Variants in NPEPL1 observed in about 807,000 individuals in gnomAD.
The protein encoded by NPEPL1 is aminopeptidase like 1.
A neutral mutation model predicts 52.4 loss-of-function variants in NPEPL1; 45 were observed. That is an observed-to-expected ratio of 0.86 (90% CI 0.68 to 1.10). NPEPL1 has a LOEUF of 1.10. Among genes scored for constraint, NPEPL1 ranks in the 50% least tolerant of loss-of-function variants. The pLI is 0.00. For missense variants in NPEPL1, 696 were observed against 710.9 expected (o/e 0.98, Z 0.24); for synonymous variants, 360 against 314.7 (o/e 1.14, Z -1.52).
At chr20:58,710,201 A>G (rs1408258158) in intron 7 of NPEPL1, among the ~76,000 whole-genome samples, 2 of 151,524 alleles carry the variant, frequency 1.3e-5, no homozygotes, top group Non-Finnish European at 1.5e-5. Flanking sequence ...CCCTTGGCTA[A>G]TTTTTGTATT....
chr20:58,705,447 G>C (rs1327217762), intron 6 of NPEPL1: 1 of 455,982 alleles, frequency 2.2e-6, no homozygotes, highest in African/African-American at 2.0e-5. Flanking sequence ...TAATTTTACT[G>C]CTTCAGCAAG....
chr20:58,715,245 C>T lies in NPEPL1; in HGVS notation c.1491C>T (p.Asn497=). 1.2e-6 allele frequency: 2 copies of T among 1,610,486 alleles called. No individual in the cohort carries two copies. The highest frequency in any genetic ancestry group is 2.2e-5 in the South Asian group (2 of 90,468). ...GTGCCTCTGAGGACCCTCTGCTGAA[C>T]CTGGTGTCCCCACTGGGCTGTGAGG... The part of the protein sequence containing the change: ...FGRASEDPLL[N]LVSPLGCEVD... Residue 497 remains asparagine (N), a synonymous_variant, in exon 12 of 12, where the codon AAC becomes AAT. Transcript: ENST00000356091.
chr20:58,703,902 C>T (rs559482152), intron 6 of NPEPL1: 128 of 985,354 alleles, frequency 1.3e-4, no homozygotes, highest in Admixed American at 3.1e-4. Flanking sequence ...TGCCTATTCC[C>T]GGGGTCCACC....
At chr20:58,712,635 CG>C in intron 8 of NPEPL1, 56 bp downstream of exon 8, 1 of 1,277,134 alleles carries the variant, frequency 7.8e-7, no homozygotes, top group East Asian at 2.3e-5. Flanking sequence ...CGACCCTTCC[CG>C]GCCTGCAATG....
chr20:58,705,007 C>T (rs1408692307), intron 6 of NPEPL1, among the ~76,000 whole-genome samples: 2 of 152,154 alleles, frequency 1.3e-5, no homozygotes, highest in East Asian at 1.9e-4. Context: ...TGACACATTA[C>T]ATTATATAGT....
In NPEPL1 at chr20:58,694,483, T is replaced by C; in HGVS notation, c.398T>C (p.Leu133Pro). 2 of 1,613,986 alleles carry C rather than the reference T, an allele frequency of 1.2e-6. No individual in the cohort carries two copies. Among genetic ancestry groups the C allele is most frequent in the Non-Finnish European group, 1.7e-6 (2 of 1,179,870 alleles). The change falls in exon 3 of 12, where the codon CTG becomes CCG. Residue 133 changes from leucine to proline, a missense_variant. Coordinates refer to ENST00000356091, the MANE Select transcript of NPEPL1 (RefSeq NM_024663.4). ...SACALARAFP[L>P]FTHRSGASRR... ...TGTGCCCTGGCCCGGGCCTTCCCGC[T>C]GTTCACCCACCGCTCAGGTGCCTCT...
Position 58,713,337 on chromosome 20 carries a change from TGG to T in NPEPL1, c.1002-80_1002-79del. The T allele has an allele frequency of 6.8e-7, 1 of 1,471,934 alleles. No homozygotes were observed. Among genetic ancestry groups the T allele is most frequent in the South Asian group, 1.4e-5 (1 of 73,388 alleles). 91.2% of individuals were successfully genotyped at this position (1,471,934 alleles called of 1,614,324 possible). A position where few individuals can be genotyped will look rare whatever the true frequency, so the allele number is the denominator to read the frequency against. On this transcript the variant is annotated intron_variant, in intron 8 of 11. Coordinates refer to ENST00000356091, the MANE Select transcript of NPEPL1 (RefSeq NM_024663.4). This position sits in a 1 kb window ranked among gnomAD's most constrained non-coding sequence, Gnocchi z 4.6. ...AGCCACAGGGATGGGCAGCTCCAAA[TGG>T]GGTCTCCCCAGTTTCAAAGGGGCTC... is the stretch of plus-strand genomic sequence containing the variant.
At chr20:58,691,802 C>G, upstream of NPEPL1, 1 of 1,546,476 alleles carries the variant, frequency 6.5e-7, no homozygotes, top group Non-Finnish European at 8.7e-7. Flanking sequence ...GGGTACCAAC[C>G]AAAGGCCCTT....
Position 58,712,490 on chromosome 20 carries a change from C to T in NPEPL1, c.912C>T (p.Asp304=). The T allele has an allele frequency of 3.1e-6, 5 of 1,612,528 alleles. No individual in the cohort carries two copies. Among genetic ancestry groups the T allele is most frequent in the Non-Finnish European group, 4.2e-6 (5 of 1,178,820 alleles). ...FRAAIKQGFK[D]NLHAVFCLAE... ...ACTTCTCCCTCCAGGGTTTCAAAGA[C>T]AACCTCCACGCTGTGTTCTGCTTGG... Residue 304 remains aspartate, a synonymous_variant, in exon 8 of 12, where the codon GAC becomes GAT. Transcript: ENST00000356091.
At chr20:58,714,194 C>G in intron 10 of NPEPL1, 101 bp downstream of exon 10, 1 of 1,366,576 alleles carries the variant, frequency 7.3e-7, no homozygotes, top group East Asian at 2.7e-5. Flanking sequence ...GCTGGGGCCC[C>G]CCAGAAGCAG....
chr20:58,714,294 A>G (rs2084913249), intron 10 of NPEPL1: 2 of 631,386 alleles, frequency 3.2e-6, no homozygotes, highest in Non-Finnish European at 5.3e-6. Context: ...TCCCTGCCAC[A>G]CAGCCAAGGG....
At chr20:58,709,411 G>T (rs960673167) in intron 7 of NPEPL1, among the ~76,000 whole-genome samples, 4 of 152,172 alleles carry the variant, frequency 2.6e-5, no homozygotes, top group African/African-American at 9.7e-5. Context: ...ATGAATGGGG[G>T]AGAACCGTTT....
At chr20:58,712,322 G>A (rs562975611) in intron 7 of NPEPL1, among the ~76,000 whole-genome samples, 157 bp from the exon 8 acceptor site, 2 of 152,300 alleles carry the variant, frequency 1.3e-5, no homozygotes, top group Non-Finnish European at 2.9e-5. Context: ...TGCCAGGACT[G>A]TACCCGGGAT....
At chr20:58,707,238 G>A (rs1486675509) in intron 7 of NPEPL1, 38 bp downstream of exon 7, 1 of 1,520,902 alleles carries the variant, frequency 6.6e-7, no homozygotes, top group South Asian at 1.2e-5. Context: ...GGGGCATCCT[G>A]GGTGTGCCTC....
In NPEPL1 at chr20:58,713,259, G is replaced by T; in HGVS notation, c.1002-161G>T. 1 of 859,318 alleles carries T rather than the reference G, an allele frequency of 1.2e-6. No individual in the cohort carries two copies. Among genetic ancestry groups the T allele is most frequent in the South Asian group, 1.9e-5 (1 of 53,664 alleles). 53.2% of individuals were successfully genotyped at this position (859,318 alleles called of 1,614,324 possible). A position where few individuals can be genotyped will look rare whatever the true frequency, so the allele number is the denominator to read the frequency against. The stretch of plus-strand genomic sequence containing the variant: ...TTGCTCCAGGCACTGCATTGCTGTA[G>T]GGACTGGGGGCATCCCGGCCTTCCC... On this transcript the variant is annotated intron_variant, in intron 8 of 11. Coordinates refer to ENST00000356091, the MANE Select transcript of NPEPL1 (RefSeq NM_024663.4). The surrounding 1 kb of genome is among the most constrained non-coding windows in gnomAD (Gnocchi z 4.6).
rs2084386783 is a variant in NPEPL1, at chr20:58,693,044, C to A, written c.144C>A (p.Thr48=). The A allele has an allele frequency of 1.9e-6, 2 of 1,037,970 alleles. No homozygotes were observed. Among genetic ancestry groups the A allele is most frequent in the Middle Eastern group, 4.5e-4 (1 of 2,202 alleles). 64.3% of individuals were successfully genotyped at this position (1,037,970 alleles called of 1,614,324 possible). The change falls in exon 1 of 12, where the codon ACC becomes ACA. Residue 48 remains threonine (T), a synonymous_variant. Transcript: ENST00000356091. ...HVRGKLQPRV[T]EELWQAALST... ...GCGGGAAGCTGCAGCCCCGGGTCAC[C>A]GAGGAGGTGAGCGGGCCGCCGGCCG...
Position 58,693,175 on chromosome 20 carries a change from C to T in NPEPL1, c.150+125C>T, listed in dbSNP as rs1427435441. ...CGGGCCGGGCCCAACGAGGCCGGGCCGCCTCCCTGAAGGGCTCAGCCGCCA... is the reference window on the plus strand; with the variant it reads ...CGGGCCGGGCCCAACGAGGCCGGGCTGCCTCCCTGAAGGGCTCAGCCGCCA... On this transcript the variant is annotated intron_variant, in intron 1 of 11. Transcript: ENST00000356091. 4.4e-6 allele frequency: 3 copies of T among 683,402 alleles called. No individual in the cohort carries two copies. In the African/African-American group the frequency reaches 5.8e-5, roughly 13 times the overall value. The allele number at this position is 683,402 out of a possible 1,614,324, so 42.3% of individuals were successfully genotyped here.
chr20:58,693,897 C>A lies in NPEPL1; in HGVS notation c.311C>A (p.Pro104Gln). ...ACGCGGCTGGTGCGGACCTGCCTGC[C>A]GCCCGGAGCGCATCGCTGCATTGTG... The part of the protein sequence containing the change: ...FITRLVRTCL[P>Q]PGAHRCIVMV... The change falls in exon 2 of 12, where the codon CCG becomes CAG. Residue 104 changes from proline to glutamine, a missense_variant. By Grantham distance (76) the Pro-to-Gln change is moderately conservative. Coordinates refer to ENST00000356091, the MANE Select transcript of NPEPL1 (RefSeq NM_024663.4). 2 of 1,609,760 alleles carry A rather than the reference C, an allele frequency of 1.2e-6. No individual in the cohort carries two copies. The highest frequency in any genetic ancestry group is 4.5e-5 in the East Asian group (2 of 44,646).
In NPEPL1 at chr20:58,703,879, C is replaced by A. The variant is rs929443607; in HGVS notation, c.822+2721C>A. ...GGCTCCAGATCACCTTCTGAAAATG[C>A]GACTATAGCCCCTGCCTATTCCCGG... On this transcript the variant is annotated intron_variant, in intron 6 of 11. Coordinates refer to ENST00000356091, the MANE Select transcript of NPEPL1 (RefSeq NM_024663.4). The A allele has an allele frequency of 2.2e-5, 22 of 985,168 alleles. No individual in the cohort carries two copies. The African/African-American group carries it at 3.1e-4, about 14-fold the overall frequency. 61.0% of individuals were successfully genotyped at this position (985,168 alleles called of 1,614,324 possible). A position where few individuals can be genotyped will look rare whatever the true frequency, so the allele number is the denominator to read the frequency against.
Sources: gnomAD v4.1 joint callset for allele counts (sites outside exome capture counted in the v4.1 genomes callset) on GRCh38, gnomAD v4.1.1 for gene constraint, Gnocchi (gnomAD v3.1) non-coding constraint, MANE v1.5 for transcripts, NCBI Gene and HGNC (gene_info 2026-07-23, HGNC 2026-07-21) for gene names.